The following SLC5A4 variants were observed in gnomAD, a reference collection of about 807,000 sequenced individuals.
SLC5A4 encodes the protein probable glucose sensor protein SLC5A4.
SLC5A4 carries 55 observed loss-of-function variants against 70.3 expected under a neutral mutation model. The observed-to-expected ratio is 0.78, with a 90% CI of 0.63 to 0.98. The LOEUF is 0.98. SLC5A4 is among the 50% of genes least tolerant of loss of function. The pLI is 0.00. For synonymous variants in SLC5A4, 268 were observed against 305.7 expected, an observed-to-expected ratio of 0.88 and a Z score of 1.29; for missense variants, 735 against 839.2, an observed-to-expected ratio of 0.88 and a Z score of 1.53.
At chr22:32,331,157 G>A in the SLC5A4 span, among the ~76,000 whole-genome samples, 1 of 122,564 alleles carries the variant, frequency 8.2e-6, no homozygotes, top group Admixed American at 9.3e-5. Flanking sequence ...AGGCTCTGGT[G>A]TGTGTGTTGG....
chr22:32,221,102 C>A (rs905751637), intron 13 of SLC5A4, 80 bp from the exon 14 acceptor site: 3 of 943,112 alleles, frequency 3.2e-6, no homozygotes, highest in Non-Finnish European at 5.1e-6. Flanking sequence ...CTTTGTTTAT[C>A]GTCTGGTGTT....
chr22:32,292,624 G>A, the SLC5A4 span, among the ~76,000 whole-genome samples: 2 of 151,660 alleles, frequency 1.3e-5, no homozygotes, highest in Non-Finnish European at 2.9e-5. Flanking sequence ...ATATTTTATA[G>A]AATTCTATCT....
the SLC5A4 span, among the ~76,000 whole-genome samples, chr22:32,278,562 A>G: frequency 6.6e-6 from 1 of 152,172 alleles, no homozygotes; most frequent in African/African-American, 2.4e-5. Flanking sequence ...ATAAAAATGG[A>G]TCTTTAAGTT....
At chr22:32,277,792 C>G in the SLC5A4 span, among the ~76,000 whole-genome samples, 2 of 152,218 alleles carry the variant, frequency 1.3e-5, no homozygotes, top group Non-Finnish European at 2.9e-5. Context: ...TCATCATCTG[C>G]CCGCCTCGGC....
At chr22:32,295,814 A>G in the SLC5A4 span, among the ~76,000 whole-genome samples, 1 of 69,376 alleles carries the variant, frequency 1.4e-5, no homozygotes, top group African/African-American at 5.6e-5. Context: ...TCTCTAATCC[A>G]TCTTGAATTG....
At chr22:32,233,158 ATCTGCACTCC>A (rs1201084022) in intron 8 of SLC5A4, 124 bp from the exon 9 acceptor site, 4 of 986,052 alleles carry the variant, frequency 4.1e-6, no homozygotes, top group Admixed American at 2.6e-5. Flanking sequence ...CCAAAGAGCT[ATCTGCACTCC>A]TGTGTTCATT....
chr22:32,250,592 A>G (rs2084046067), intron 3 of SLC5A4, among the ~76,000 whole-genome samples: 1 of 152,184 alleles, frequency 6.6e-6, no homozygotes, highest in Non-Finnish European at 1.5e-5. Flanking sequence ...TGACCCATCA[A>G]TCCCATTACT....
At chr22:32,270,351 G>T in the SLC5A4 span, 1 of 1,240,260 alleles carries the variant, frequency 8.1e-7, no homozygotes, top group Non-Finnish European at 1.2e-6. Context: ...TGTCGGTGCT[G>T]CAGAAGAGCA....
At chr22:32,325,954 G>A in the SLC5A4 span, among the ~76,000 whole-genome samples, 3 of 152,258 alleles carry the variant, frequency 2.0e-5, no homozygotes, top group African/African-American at 4.8e-5. Context: ...AGTGAGAGAG[G>A]AGCTGAGCCT....
intron 9 of SLC5A4, among the ~76,000 whole-genome samples, chr22:32,231,703 A>G (rs1160525054): frequency 6.6e-6 from 1 of 152,210 alleles, no homozygotes; most frequent in Non-Finnish European, 1.5e-5. Flanking sequence ...CTATAGAGAA[A>G]TGTCTTTTTT....
At chr22:32,299,063 C>A in the SLC5A4 span, among the ~76,000 whole-genome samples, 100 of 139,696 alleles carry the variant, frequency 7.2e-4, no homozygotes, top group Non-Finnish European at 1.1e-3. Context: ...GGTAACCCGA[C>A]CTTTCTCTCT....
rs999206725 is a variant in SLC5A4 at position 32,247,487 on chromosome 22, T to G, written c.401A>C (p.Lys134Thr). 1.9e-6 allele frequency: 3 copies of G among 1,613,450 alleles called. No homozygotes were observed. The highest frequency in any genetic ancestry group is 2.5e-6 in the Non-Finnish European group (3 of 1,179,504). Residue 134 changes from lysine (K) to threonine (T), a missense_variant, in exon 5 of 15, where the codon AAG becomes ACG. Coordinates refer to ENST00000266086, the MANE Select transcript of SLC5A4 (RefSeq NM_014227.3). ...CTGGAGTCGCTCCCCACCAAACCGC[T>G]TCTTGAGATATTCCGGCATGGTCAT... ...GVMTMPEYLK[K>T]RFGGERLQVY...
At chr22:32,338,208 A>C in the SLC5A4 span, among the ~76,000 whole-genome samples, 1 of 152,226 alleles carries the variant, frequency 6.6e-6, no homozygotes, top group African/African-American at 2.4e-5. Context: ...CAAGAACACC[A>C]AGGAACTGAA....
chr22:32,261,592 G>C, the SLC5A4 span, among the ~76,000 whole-genome samples: 1 of 152,198 alleles, frequency 6.6e-6, no homozygotes, highest in African/African-American at 2.4e-5. Context: ...GACAGATAAG[G>C]TTGGCATACC....
the SLC5A4 span, among the ~76,000 whole-genome samples, chr22:32,287,499 C>T: frequency 6.6e-6 from 1 of 152,062 alleles, no homozygotes; most frequent in African/African-American, 2.4e-5. Flanking sequence ...CCTACTTCAT[C>T]ATTGAATATC....
chr22:32,257,091 A>T (rs1927524682), upstream of SLC5A4, among the ~76,000 whole-genome samples: 1 of 152,232 alleles, frequency 6.6e-6, no homozygotes, highest in Non-Finnish European at 1.5e-5. Context: ...TGTTTTAATT[A>T]TAGACAGGCT....
the SLC5A4 span, chr22:32,285,187 G>A: frequency 2.7e-4 from 41 of 152,114 alleles, no homozygotes; most frequent in African/African-American, 9.9e-4. Context: ...GTGTGTATAT[G>A]CATTTTTCCC....
chr22:32,244,437 T>C (rs773895237), intron 5 of SLC5A4, among the ~76,000 whole-genome samples: 3 of 152,242 alleles, frequency 2.0e-5, no homozygotes, highest in Non-Finnish European at 4.4e-5. Flanking sequence ...CACTATCTTA[T>C]TATGGATTCT....
rs1345533693 is a variant in SLC5A4 at position 32,235,473 on chromosome 22, A to G, written c.665-380T>C. Reference sequence around the variant, plus strand: ...AGTGAGCCTCATGAAATTATCCATCAGAAAGCCCCAGCTCCTCTGAAAAAG... The same window carrying G: ...AGTGAGCCTCATGAAATTATCCATCGGAAAGCCCCAGCTCCTCTGAAAAAG... On this transcript the variant is annotated intron_variant, in intron 7 of 14. Transcript: ENST00000266086. Among the ~76,000 whole-genome samples the G allele has an allele frequency of 2.6e-5, 4 of 152,350 alleles. No homozygotes were observed. The East Asian group carries it at 7.7e-4, about 29-fold the overall frequency.
Sources: allele counts gnomAD v4.1 joint callset (sites outside exome capture counted in the v4.1 genomes callset), GRCh38; gene constraint gnomAD v4.1.1; transcripts MANE v1.5; gene names NCBI Gene and HGNC (gene_info 2026-07-23, HGNC 2026-07-21).